Variants in TBC1D5 observed in about 807,000 individuals in gnomAD.
TBC1D5 encodes the protein TBC1 domain family, member 5.
A neutral mutation model predicts 100.3 loss-of-function variants in TBC1D5; 75 were observed. That is an observed-to-expected ratio of 0.75 (90% confidence interval 0.62 to 0.91). TBC1D5 has a LOEUF of 0.91. TBC1D5 is among the 40% of genes least tolerant of loss of function. The pLI is 0.00. For missense variants in TBC1D5, 910 were observed against 942.4 expected (o/e 0.97, Z 0.45); for synonymous variants, 323 against 325.6 (o/e 0.99, Z 0.09).
At chr3:17,281,971 A>G (rs1458767545) in intron 15 of TBC1D5, among the ~76,000 whole-genome samples, 1 of 152,162 alleles carries the variant, frequency 6.6e-6, no homozygotes, top group Non-Finnish European at 1.5e-5. Flanking sequence ...TTAAATCATA[A>G]CTTTAAGATG....
chr3:17,406,293 C>T, intron 5 of TBC1D5, 125 bp downstream of exon 5: 1 of 760,644 alleles, frequency 1.3e-6, no homozygotes, highest in East Asian at 2.8e-5. Flanking sequence ...CATAGATGGT[C>T]AAAATAATGG....
intron 1 of TBC1D5, among the ~76,000 whole-genome samples, chr3:17,641,915 A>G (rs2064548791): frequency 6.6e-6 from 1 of 152,136 alleles, no homozygotes; most frequent in Non-Finnish European, 1.5e-5. Flanking sequence ...CCCCTACACA[A>G]AAAAGAATAA....
intron 3 of TBC1D5, among the ~76,000 whole-genome samples, chr3:17,432,285 GT>G (rs1338688940): frequency 1.3e-5 from 2 of 152,078 alleles, no homozygotes; most frequent in Admixed American, 1.3e-4. Context: ...GAAAGCCTTT[GT>G]GTCTTTTAAA....
intron 2 of TBC1D5, among the ~76,000 whole-genome samples, chr3:17,605,162 C>A (rs984627721): frequency 1.6e-4 from 24 of 152,318 alleles, no homozygotes; most frequent in African/African-American, 5.3e-4. Context: ...TTCTCCAACT[C>A]ATACAATCAC....
At chr3:17,527,694 C>A (rs2096156694) in intron 2 of TBC1D5, among the ~76,000 whole-genome samples, 1 of 152,102 alleles carries the variant, frequency 6.6e-6, no homozygotes, top group East Asian at 1.9e-4. Flanking sequence ...AAAGCAACCA[C>A]CACAGAAACC....
At chr3:17,423,598 G>C (rs1001450573) in intron 4 of TBC1D5, among the ~76,000 whole-genome samples, 3 of 152,014 alleles carry the variant, frequency 2.0e-5, no homozygotes, top group Non-Finnish European at 2.9e-5. Context: ...ATTTACAAAT[G>C]ATTATTTTTA....
At chr3:17,349,861 A>G (rs1355051225) in intron 13 of TBC1D5, among the ~76,000 whole-genome samples, 1 of 152,182 alleles carries the variant, frequency 6.6e-6, no homozygotes, top group Admixed American at 6.5e-5. Flanking sequence ...AAAAAAATGC[A>G]TATCTCCCTA....
intron 3 of TBC1D5, among the ~76,000 whole-genome samples, chr3:17,440,556 G>T (rs2149527762): frequency 1.3e-5 from 2 of 152,308 alleles, no homozygotes; most frequent in East Asian, 1.9e-4. Flanking sequence ...GATCTAGGCT[G>T]CAGTGAGCTG....
At chr3:17,307,722 T>C (rs1044736187) in intron 14 of TBC1D5, among the ~76,000 whole-genome samples, 18 of 152,174 alleles carry the variant, frequency 1.2e-4, no homozygotes, top group Non-Finnish European at 2.4e-4. Context: ...AATGAGGAGA[T>C]TAAAGCAGGA....
chr3:17,370,966 A>G (rs559498225), intron 13 of TBC1D5, among the ~76,000 whole-genome samples: 27 of 152,248 alleles, frequency 1.8e-4, no homozygotes, highest in Non-Finnish European at 3.1e-4. Context: ...TACTATTTCA[A>G]TATAGAGAAC....
intron 1 of TBC1D5, among the ~76,000 whole-genome samples, chr3:17,717,743 A>C (rs1250651312): frequency 6.6e-6 from 1 of 151,690 alleles, no homozygotes; most frequent in Non-Finnish European, 1.5e-5. Context: ...CCTCCATACT[A>C]CTCCTTTACT....
chr3:17,213,733 CAAAAAAAAAAAAA>C (rs71632897), intron 18 of TBC1D5, among the ~76,000 whole-genome samples: 2 of 61,050 alleles, frequency 3.3e-5, no homozygotes, highest in Non-Finnish European at 5.9e-5. Flanking sequence ...GACTCTGTCT[CAAAAAAAAAAAAA>C]AAAAAAAAAA....
chr3:17,693,364 G>A (rs773287520), intron 1 of TBC1D5, among the ~76,000 whole-genome samples: 18 of 152,266 alleles, frequency 1.2e-4, no homozygotes, highest in African/African-American at 3.6e-4. Flanking sequence ...CTGGAAAAAC[G>A]TAACACTCCC....
chr3:17,252,566 A>G (rs1195130138), intron 16 of TBC1D5, among the ~76,000 whole-genome samples: 1 of 152,168 alleles, frequency 6.6e-6, no homozygotes, highest in African/African-American at 2.4e-5. Context: ...ATGTATCCAC[A>G]TTCCTCAGCA....
intron 15 of TBC1D5, among the ~76,000 whole-genome samples, chr3:17,278,438 C>T (rs1056639120): frequency 6.6e-6 from 1 of 152,060 alleles, no homozygotes; most frequent in Non-Finnish European, 1.5e-5. Context: ...TTGTACTAAC[C>T]TATTTTGTAT....
At chr3:17,641,092 T>C (rs1240293973) in intron 1 of TBC1D5, among the ~76,000 whole-genome samples, 2 of 152,186 alleles carry the variant, frequency 1.3e-5, no homozygotes, top group Non-Finnish European at 2.9e-5. Flanking sequence ...ATATACTTTA[T>C]GCAGATATGG....
intron 2 of TBC1D5, among the ~76,000 whole-genome samples, chr3:17,513,455 CAT>C: frequency 6.6e-6 from 1 of 152,206 alleles, no homozygotes; most frequent in South Asian, 2.1e-4. Context: ...AATGGCACCA[CAT>C]GAGCAGAACC....
At chr3:17,472,611 T>G (rs1248336852) in intron 3 of TBC1D5, among the ~76,000 whole-genome samples, 2 of 152,240 alleles carry the variant, frequency 1.3e-5, no homozygotes, top group African/African-American at 4.8e-5. Context: ...CATATTAATC[T>G]TGCTTACTGT....
chr3:17,314,233 A>C (rs2150734460), intron 13 of TBC1D5, among the ~76,000 whole-genome samples: 1 of 152,236 alleles, frequency 6.6e-6, no homozygotes, highest in South Asian at 2.1e-4. Context: ...GGCATAGAGT[A>C]GGGGGTTAAA....
Sources: gnomAD v4.1 joint callset for allele counts (sites outside exome capture counted in the v4.1 genomes callset) on GRCh38, gnomAD v4.1.1 for gene constraint, MANE v1.5 for transcripts, NCBI Gene and HGNC (gene_info 2026-07-23, HGNC 2026-07-21) for gene names.